Variants in RPS6KA3 observed in about 807,000 individuals in gnomAD.
RPS6KA3 encodes the protein ribosomal protein S6 kinase alpha-3.
RPS6KA3 carries 4 observed loss-of-function variants against 67.2 expected under a neutral mutation model. The ratio of observed to expected loss-of-function variants is 0.06; its 90% confidence interval spans 0.03 to 0.14. The LOEUF (loss-of-function observed/expected upper bound fraction) is 0.14, where lower values mean the gene tolerates loss of function less well. RPS6KA3 is among the 10% of genes least tolerant of loss of function. RPS6KA3 has a pLI of 1.00. For synonymous variants in RPS6KA3, 182 were observed against 183.7 expected, an observed-to-expected ratio of 0.99 and a Z score of 0.07; for missense variants, 204 against 559.0, an observed-to-expected ratio of 0.36 and a Z score of 6.40.
intron 2 of RPS6KA3, among the ~76,000 whole-genome samples, chrX:20,234,084 A>G (rs2069344416): frequency 1.8e-5 from 2 of 112,530 alleles, no homozygotes; most frequent in South Asian, 7.3e-4. Context: ...GAAATGGTGA[A>G]TGTCCACTTT....
At chrX:20,237,395 C>T (rs984756331) in intron 1 of RPS6KA3, among the ~76,000 whole-genome samples, 1 of 111,789 alleles carries the variant, frequency 8.9e-6, no homozygotes, top group Non-Finnish European at 1.9e-5. Context: ...AATTTAAGAA[C>T]CATCTGTTCC....
chrX:20,166,216 C>A (rs1413907552), intron 17 of RPS6KA3, among the ~76,000 whole-genome samples: 1 of 111,860 alleles, frequency 8.9e-6, no homozygotes, highest in Non-Finnish European at 1.9e-5. Context: ...CTTCTGTCAC[C>A]AAATTCTGAG....
intron 2 of RPS6KA3, 99 bp downstream of exon 2, chrX:20,234,659 C>G: frequency 1.6e-6 from 1 of 627,860 alleles, no homozygotes; most frequent in Non-Finnish European, 2.7e-6. Flanking sequence ...CGACAAGTTT[C>G]TAACACTGTA....
At chrX:20,240,372 G>C (rs1324939202) in intron 1 of RPS6KA3, among the ~76,000 whole-genome samples, 1 of 92,638 alleles carries the variant, frequency 1.1e-5, no homozygotes, top group Non-Finnish European at 2.1e-5. Flanking sequence ...ATCAGCAGTG[G>C]TTTTCCTGTC....
chrX:20,178,048 T>C (rs990103122), intron 10 of RPS6KA3, among the ~76,000 whole-genome samples: 2 of 112,057 alleles, frequency 1.8e-5, no homozygotes, highest in African/African-American at 6.5e-5. Context: ...CAGATCCATT[T>C]ATTATTCAGT....
rs1181011359 is a variant in RPS6KA3, at chrX:20,150,424, A to C, written c.*4974T>G. 5 of 112,743 alleles carry C rather than the reference A, an allele frequency of 4.4e-5. No individual in the cohort carries two copies. The highest frequency in any genetic ancestry group is 9.4e-5 in the Non-Finnish European group (5 of 53,241). 9.3% of individuals were successfully genotyped at this position (112,743 alleles called of 1,213,427 possible). On this transcript the variant is annotated 3_prime_UTR_variant, in exon 22 of 22. Coordinates refer to ENST00000379565, the MANE Select transcript of RPS6KA3 (RefSeq NM_004586.3). ...TTTGCTTAGGGCAACAGTTAAGATAAACTAATACACGTATATGATTTTAAG... is the reference window on the plus strand; with the variant it reads ...TTTGCTTAGGGCAACAGTTAAGATACACTAATACACGTATATGATTTTAAG...
intron 7 of RPS6KA3, among the ~76,000 whole-genome samples, chrX:20,192,462 G>T (rs1462379035): frequency 9.2e-6 from 1 of 109,251 alleles, no homozygotes; most frequent in African/African-American, 3.3e-5. Context: ...CATAGAACTG[G>T]GGAAAGCCTA....
chrX:20,243,848 G>A (rs761818425), intron 1 of RPS6KA3, among the ~76,000 whole-genome samples: 2 of 111,239 alleles, frequency 1.8e-5, no homozygotes, highest in African/African-American at 3.3e-5. Context: ...TCCATAGTAA[G>A]AGTGCAGAGG....
chrX:20,193,636 T>C (rs1188144030), intron 6 of RPS6KA3, 43 bp from the exon 7 acceptor site: 2 of 873,137 alleles, frequency 2.3e-6, no homozygotes, highest in Non-Finnish European at 3.3e-6. Context: ...TTTCTTTTTG[T>C]GTCTGTAATT....
Position 20,176,335 on chromosome X carries a change from T to C in RPS6KA3, c.1017A>G (p.Glu339=). ...TTGCAGGTTTAAATGGCGGATGAAT[T>C]TCTCTTCTATACAGTTTCTGGAGGG... The part of the protein sequence containing the change: ...TIDWNKLYRR[E]IHPPFKPATG... Residue 339 remains glutamate, a synonymous_variant, in exon 13 of 22, where the codon GAA becomes GAG. Transcript: ENST00000379565. 8.4e-7 allele frequency: 1 copy of C among 1,183,509 alleles called. No homozygotes were observed. The highest frequency in any genetic ancestry group is 1.1e-6 in the Non-Finnish European group (1 of 870,123).
chrX:20,232,178 A>G (rs1403075200), intron 2 of RPS6KA3, among the ~76,000 whole-genome samples: 1 of 112,446 alleles, frequency 8.9e-6, no homozygotes, highest in Non-Finnish European at 1.9e-5. Context: ...CCAAAAAACT[A>G]TAAAAGATCA....
Position 20,209,313 on chromosome X carries a change from A to G in RPS6KA3, c.218T>C (p.Val73Ala). The part of the protein sequence containing the change: ...ADPSQFELLK[V>A]LGQGSFGKVF... ...CTTTCCAAATGATCCCTGCCCTAAT[A>G]CTTTTAAAAGTTCAAACTGGGAAGG... The change falls in exon 3 of 22, where the codon GTA (valine) becomes GCA (alanine). Residue 73 changes from valine to alanine, a missense_variant. This residue lies in a region of RPS6KA3 where 76 missense variants were observed against 250.3 expected (regional missense o/e 0.30). Transcript: ENST00000379565. 1 of 1,175,895 alleles carries G rather than the reference A, an allele frequency of 8.5e-7. No individual in the cohort carries two copies. The highest frequency in any genetic ancestry group is 1.2e-6 in the Non-Finnish European group (1 of 863,339).
At chrX:20,261,125 T>G (rs1285873107) in intron 1 of RPS6KA3, among the ~76,000 whole-genome samples, 1 of 104,437 alleles carries the variant, frequency 9.6e-6, no homozygotes. Flanking sequence ...TGAGAGTTAC[T>G]AGAGGATAGG....
intron 2 of RPS6KA3, among the ~76,000 whole-genome samples, chrX:20,229,325 C>T (rs1344535130): frequency 8.9e-6 from 1 of 112,004 alleles, no homozygotes; most frequent in East Asian, 2.8e-4. Flanking sequence ...GAAAGCCTAC[C>T]AGCTGACGAC....
chrX:20,159,234 C>A (rs761813403), intron 20 of RPS6KA3, among the ~76,000 whole-genome samples: 1 of 112,221 alleles, frequency 8.9e-6, no homozygotes, highest in Non-Finnish European at 1.9e-5. Context: ...TGAAATATTG[C>A]AAAACCTTAC....
intron 4 of RPS6KA3, among the ~76,000 whole-genome samples, chrX:20,201,710 C>T (rs1038065774): frequency 1.3e-4 from 14 of 111,255 alleles, no homozygotes; most frequent in Admixed American, 1.2e-3. Flanking sequence ...CTATCACTAA[C>T]ATTTATTATT....
At chrX:20,263,110 T>C (rs766512042) in intron 1 of RPS6KA3, among the ~76,000 whole-genome samples, 1 of 112,477 alleles carries the variant, frequency 8.9e-6, no homozygotes, top group East Asian at 2.8e-4. Flanking sequence ...TACAACACAT[T>C]ATATTGTGGC....
At chrX:20,173,873 A>G (rs1407512666) in intron 14 of RPS6KA3, among the ~76,000 whole-genome samples, 1 of 112,725 alleles carries the variant, frequency 8.9e-6, no homozygotes, top group African/African-American at 3.2e-5. Flanking sequence ...GATATCCTAA[A>G]AAGAATCCAA....
At chrX:20,210,764 T>C (rs977942969) in intron 2 of RPS6KA3, among the ~76,000 whole-genome samples, 1 of 111,515 alleles carries the variant, frequency 9.0e-6, no homozygotes, top group Non-Finnish European at 1.9e-5. Context: ...TAGCTCTTTA[T>C]TTCACAATTT....
Sources: gnomAD v4.1 joint callset for allele counts (sites outside exome capture counted in the v4.1 genomes callset) on GRCh38, gnomAD v4.1.1 for gene constraint, gnomAD v4.1.1 regional missense constraint, MANE v1.5 for transcripts, NCBI Gene and HGNC (gene_info 2026-07-23, HGNC 2026-07-21) for gene names.